Variants in SUMF2 observed in about 807,000 individuals in gnomAD.
The protein encoded by SUMF2 is inactive C-alpha-formylglycine-generating enzyme 2.
SUMF2 carries 45 observed loss-of-function variants against 44.8 expected under a neutral mutation model. The observed-to-expected ratio is 1.00, with a 90% CI of 0.79 to 1.29. The LOEUF is 1.29. SUMF2 is among the 50% of genes most tolerant of loss of function. The pLI is 0.00. For missense variants in SUMF2, 418 were observed against 389.9 expected (o/e 1.07, Z -0.61); for synonymous variants, 148 against 150.4 (o/e 0.98, Z 0.12).
chr7:56,068,441 T>C, intron 1 of SUMF2, 41 bp from the exon 2 acceptor site: 1 of 1,551,272 alleles, frequency 6.4e-7, no homozygotes, highest in Non-Finnish European at 8.8e-7. Context: ...TTGTTTTATA[T>C]ATATGCATGT....
At chr7:56,083,401 G>A (rs1256757429), downstream of SUMF2, 1 of 1,614,176 alleles carries the variant, frequency 6.2e-7, no homozygotes, top group Non-Finnish European at 8.5e-7. Context: ...TTGAGTTTGT[G>A]CAAGGTGCAG....
downstream of SUMF2, chr7:56,081,731 G>A (rs1796004368): frequency 3.1e-6 from 5 of 1,613,824 alleles, no homozygotes; most frequent in Non-Finnish European, 4.2e-6. This position sits in a 1 kb window ranked among gnomAD's most constrained non-coding sequence, Gnocchi z 4.6. Flanking sequence ...CGGTTCTGGG[G>A]TTGCACCACC....
downstream of SUMF2, chr7:56,083,808 C>A: frequency 1.2e-6 from 1 of 851,372 alleles, no homozygotes. Flanking sequence ...CCTGATACCT[C>A]TAGAAGCTAA....
chr7:56,077,753 C>A (rs1203099656), intron 6 of SUMF2, among the ~76,000 whole-genome samples: 3 of 152,060 alleles, frequency 2.0e-5, no homozygotes, highest in African/African-American at 7.2e-5. Context: ...AGGCATGAGA[C>A]ATGGGGGCAG....
chr7:56,066,679 G>A (rs1794824287), intron 1 of SUMF2, among the ~76,000 whole-genome samples: 1 of 152,228 alleles, frequency 6.6e-6, no homozygotes. Flanking sequence ...GGAGTGCAGT[G>A]GCGTGATCTC....
At chr7:56,081,170 AGGC>A, downstream of SUMF2, 1 of 1,613,762 alleles carries the variant, frequency 6.2e-7, no homozygotes, top group East Asian at 2.2e-5. This position sits in a 1 kb window ranked among gnomAD's most constrained non-coding sequence, Gnocchi z 4.6. Flanking sequence ...CGGAAAGCGT[AGGC>A]GTCGATGAGC....
chr7:56,074,430 C>A, intron 4 of SUMF2, 156 bp from the exon 5 acceptor site: 1 of 1,112,444 alleles, frequency 9.0e-7, no homozygotes, highest in Non-Finnish European at 1.3e-6. Context: ...CCTGTAGTCT[C>A]TTTTTTCTGA....
At chr7:56,079,229 T>C (rs1795804408) in intron 8 of SUMF2, 1 of 535,564 alleles carries the variant, frequency 1.9e-6, no homozygotes, top group Non-Finnish European at 3.3e-6. Flanking sequence ...TGTCAACTGC[T>C]AACATAGAAG....
chr7:56,082,475 C>A (rs1796053702), downstream of SUMF2, among the ~76,000 whole-genome samples: 2 of 152,126 alleles, frequency 1.3e-5, no homozygotes, highest in African/African-American at 4.8e-5. Flanking sequence ...TGCCTGTAGT[C>A]CCAGCTACTC....
chr7:56,082,503 G>T (rs1485921158), downstream of SUMF2, among the ~76,000 whole-genome samples: 1 of 152,150 alleles, frequency 6.6e-6, no homozygotes, highest in Non-Finnish European at 1.5e-5. Context: ...TGAGACAGGA[G>T]AATCGCTTGA....
chr7:56,074,141 G>C (rs1795373229), intron 3 of SUMF2, 33 bp from the exon 4 acceptor site: 1 of 1,612,102 alleles, frequency 6.2e-7, no homozygotes, highest in Admixed American at 1.7e-5. Flanking sequence ...CTGGGCCGGA[G>C]CATCTTGCAG....
Position 56,078,352 on chromosome 7 carries a change from G to A in SUMF2, c.677-12G>A. The A allele has an allele frequency of 6.3e-7, 1 of 1,587,690 alleles. No individual in the cohort carries two copies. The highest frequency in any genetic ancestry group is 8.6e-7 in the Non-Finnish European group (1 of 1,164,972). ...GGTCCCAGCCTGGCCTGACCCGCCG[G>A]TGGGGCTGCAGGGCTCTATGACCTC... On this transcript the variant is annotated splice_polypyrimidine_tract_variant and intron_variant, in intron 7 of 8. Transcript: ENST00000434526.
the SUMF2 span, chr7:56,087,616 A>G: frequency 3.1e-6 from 5 of 1,613,546 alleles, no homozygotes; most frequent in Non-Finnish European, 3.4e-6. Flanking sequence ...GGGTGCCCTG[A>G]GACCTTGCGC....
the SUMF2 span, chr7:56,087,463 G>GTA: frequency 1.3e-6 from 1 of 769,476 alleles, no homozygotes; most frequent in African/African-American, 1.7e-5. Context: ...TATCAGAGCA[G>GTA]TGAGGGTGGA....
chr7:56,068,586 A>G lies in SUMF2; in HGVS notation c.172A>G (p.Thr58Ala). ...TGGTGACGGGCCTGTGCGGGAGGCG[A>G]CAGTGAAACCCTTTGCCATCGACAT... ...RDGDGPVREA[T>A]VKPFAIDIFP... Residue 58 changes from threonine (T) to alanine (A), a missense_variant, in exon 2 of 9, where the codon ACA becomes GCA. Thr to Ala is a moderately conservative substitution (Grantham distance 58). Transcript: ENST00000434526. 6.2e-7 allele frequency: 1 copy of G among 1,614,026 alleles called. No individual in the cohort carries two copies. Among genetic ancestry groups the G allele is most frequent in the Non-Finnish European group, 8.5e-7 (1 of 1,179,964 alleles).
intron 5 of SUMF2, 70 bp from the exon 6 acceptor site, chr7:56,076,764 T>G: frequency 7.1e-7 from 1 of 1,412,120 alleles, no homozygotes; most frequent in Non-Finnish European, 9.8e-7. Flanking sequence ...CCTCACTCTT[T>G]CTGTGTTCTT....
chr7:56,084,704 G>A (rs1011214088), downstream of SUMF2, among the ~76,000 whole-genome samples: 1 of 152,068 alleles, frequency 6.6e-6, no homozygotes, highest in Admixed American at 6.6e-5. Context: ...GGAAACAAAT[G>A]GGAAGAATCG....
At chr7:56,085,781 A>G in the SUMF2 span, among the ~76,000 whole-genome samples, 2 of 151,988 alleles carry the variant, frequency 1.3e-5, no homozygotes, top group African/African-American at 2.4e-5. Context: ...ACTGGCCAAC[A>G]TGGCAAAACC....
chr7:56,083,142 C>A, downstream of SUMF2: 4 of 717,210 alleles, frequency 5.6e-6, no homozygotes, highest in East Asian at 2.8e-5. Flanking sequence ...AAAAAAAAAT[C>A]CCTAGCCCTT....
Sources: gnomAD v4.1 joint callset for allele counts (sites outside exome capture counted in the v4.1 genomes callset) on GRCh38, gnomAD v4.1.1 for gene constraint, Gnocchi (gnomAD v3.1) non-coding constraint, MANE v1.5 for transcripts, NCBI Gene and HGNC (gene_info 2026-07-23, HGNC 2026-07-21) for gene names.